The following TCF4 variants were observed in gnomAD, a reference collection of about 807,000 sequenced individuals.
TCF4 encodes the protein SL3-3 enhancer factor 2.
A neutral mutation model predicts 82.1 loss-of-function variants in TCF4; 3 were observed. That is an observed-to-expected ratio of 0.04 (90% CI 0.02 to 0.09). TCF4 has a LOEUF of 0.09. Among genes scored for constraint, TCF4 ranks in the 10% least tolerant of loss-of-function variants. TCF4 has a pLI of 1.00. For synonymous variants in TCF4, 276 were observed against 309.6 expected (o/e 0.89, Z 1.14); for missense variants, 518 against 852.7 (o/e 0.61, Z 4.89).
At chr18:55,259,858 A>G in intron 13 of TCF4, 91 bp downstream of exon 13, 2 of 1,089,694 alleles carry the variant, frequency 1.8e-6, no homozygotes, top group Non-Finnish European at 2.8e-6. Flanking sequence ...TTTGGGGGGA[A>G]GTGAGTTTCC....
At chr18:55,623,851 G>T (rs140625848) in intron 2 of TCF4, among the ~76,000 whole-genome samples, 1 of 152,226 alleles carries the variant, frequency 6.6e-6, no homozygotes. Flanking sequence ...GGGCTGTCAA[G>T]CTGGGACTAT....
chr18:55,443,087 T>C (rs1603467767), intron 5 of TCF4, among the ~76,000 whole-genome samples: 1 of 152,214 alleles, frequency 6.6e-6, no homozygotes, highest in South Asian at 2.1e-4. Flanking sequence ...ACGTTTACTA[T>C]AAAAACAAGT....
chr18:55,301,788 T>TA (rs10652622), intron 8 of TCF4, among the ~76,000 whole-genome samples: 32,656 of 56,408 alleles, frequency 0.58, 9,898 homozygotes, highest in South Asian at 0.67. Context: ...CCAAAAACTG[T>TA]AAAAAAAAAA....
At chr18:55,599,592 G>A (rs2097694636) in intron 2 of TCF4, among the ~76,000 whole-genome samples, 1 of 152,082 alleles carries the variant, frequency 6.6e-6, no homozygotes. Flanking sequence ...GTGGTGGTGG[G>A]CACCTGTAGC....
intron 5 of TCF4, among the ~76,000 whole-genome samples, chr18:55,416,980 A>G (rs1569437333): frequency 6.6e-6 from 1 of 152,226 alleles, no homozygotes; most frequent in Non-Finnish European, 1.5e-5. Context: ...GAGTGCTCAA[A>G]GCAAAAATCT....
chr18:55,515,540 T>C (rs990585899), intron 3 of TCF4, among the ~76,000 whole-genome samples: 2 of 152,104 alleles, frequency 1.3e-5, no homozygotes, highest in Admixed American at 1.3e-4. Context: ...AAAACTCCCA[T>C]GAAGAGGTAG....
intron 8 of TCF4, among the ~76,000 whole-genome samples, chr18:55,344,013 T>G (rs187045236): frequency 7.2e-5 from 11 of 152,162 alleles, no homozygotes; most frequent in African/African-American, 2.4e-4. Context: ...CAAGTGTCTG[T>G]CAACAGCCTG....
intron 5 of TCF4, among the ~76,000 whole-genome samples, chr18:55,457,049 C>A (rs935492230): frequency 4.6e-5 from 7 of 152,212 alleles, no homozygotes; most frequent in Admixed American, 3.9e-4. Flanking sequence ...ACAATGAAAG[C>A]AACGAGTGAG....
intron 5 of TCF4, chr18:55,404,069 T>C (rs2093969158): frequency 9.1e-7 from 1 of 1,103,648 alleles, no homozygotes; most frequent in South Asian, 3.2e-5. Context: ...GATGATGGAA[T>C]TTACATTTGG....
intron 8 of TCF4, among the ~76,000 whole-genome samples, chr18:55,310,596 C>T (rs931555203): frequency 2.6e-5 from 4 of 152,116 alleles, no homozygotes; most frequent in African/African-American, 7.2e-5. Flanking sequence ...TGAGGAGAAG[C>T]GCAGCAGTGG....
intron 8 of TCF4, among the ~76,000 whole-genome samples, chr18:55,293,341 G>A (rs1415152570): frequency 6.6e-6 from 1 of 152,116 alleles, no homozygotes; most frequent in Middle Eastern, 3.2e-3. Context: ...ATTATTAGGA[G>A]AGGAGGCTGC....
At chr18:55,378,476 T>C (rs2091283194) in intron 6 of TCF4, among the ~76,000 whole-genome samples, 1 of 152,200 alleles carries the variant, frequency 6.6e-6, no homozygotes, top group Non-Finnish European at 1.5e-5. Context: ...AATTATTCAA[T>C]CCTTACAAAC....
chr18:55,593,907 T>C (rs901454011), intron 2 of TCF4, among the ~76,000 whole-genome samples: 8 of 152,176 alleles, frequency 5.3e-5, no homozygotes, highest in Non-Finnish European at 7.4e-5. Flanking sequence ...AAGCAAGATA[T>C]AGCCTGTGGC....
intron 8 of TCF4, chr18:55,322,288 A>G: frequency 1.9e-6 from 2 of 1,048,590 alleles, no homozygotes; most frequent in Non-Finnish European, 2.3e-6. Flanking sequence ...TTGATTAAAA[A>G]GCGAGTGGCA....
At chr18:55,466,904 T>C (rs942820781) in intron 3 of TCF4, among the ~76,000 whole-genome samples, 9 of 152,230 alleles carry the variant, frequency 5.9e-5, no homozygotes, top group Non-Finnish European at 8.8e-5. Context: ...CCTTCACAAA[T>C]AGATTCCTGA....
intron 3 of TCF4, among the ~76,000 whole-genome samples, chr18:55,496,683 C>T (rs1401970084): frequency 6.6e-6 from 1 of 152,030 alleles, no homozygotes; most frequent in Non-Finnish European, 1.5e-5. Flanking sequence ...TCTTTGTTAG[C>T]ATATTACTGT....
chr18:55,390,915 G>T (rs2093028800), intron 6 of TCF4, among the ~76,000 whole-genome samples: 1 of 152,170 alleles, frequency 6.6e-6, no homozygotes, highest in South Asian at 2.1e-4. Context: ...TGGCACCCAG[G>T]ACTTGCACCC....
Position 55,275,678 on chromosome 18 carries a change from T to C in TCF4, c.730A>G (p.Asn244Asp). Residue 244 changes from asparagine (N) to aspartate (D), a missense_variant, in exon 10 of 20, where the codon AAC (asparagine) becomes GAC (aspartate). Physicochemically the swap from Asn to Asp is conservative, Grantham distance 23. Coordinates refer to ENST00000354452, the MANE Select transcript of TCF4 (RefSeq NM_001083962.2). Reference protein sequence around the residue: ...NQPGYAGMLGNSSHIPQSSSY... With the variant: ...NQPGYAGMLGDSSHIPQSSSY... The stretch of plus-strand genomic sequence containing the variant: ...CTGGACTGTGGAATATGAGAAGAGT[T>C]GCCCAACATTCCTGCATAGCCAGGC... 1 of 1,613,922 alleles carries C rather than the reference T, an allele frequency of 6.2e-7. No homozygotes were observed.
chr18:55,496,738 C>T (rs2096640398), intron 3 of TCF4, among the ~76,000 whole-genome samples: 1 of 151,906 alleles, frequency 6.6e-6, no homozygotes, highest in Non-Finnish European at 1.5e-5. Flanking sequence ...GCCATAGTAA[C>T]CCAGTTATAT....
Sources: gnomAD v4.1 joint callset for allele counts (sites outside exome capture counted in the v4.1 genomes callset) on GRCh38, gnomAD v4.1.1 for gene constraint, MANE v1.5 for transcripts, NCBI Gene and HGNC (gene_info 2026-07-23, HGNC 2026-07-21) for gene names.